Variants in CFAP299 observed in about 807,000 individuals in gnomAD.
CFAP299 encodes cilia and flagella associated protein 299.
CFAP299 carries 21 observed loss-of-function variants against 27.0 expected under a neutral mutation model. The ratio of observed to expected loss-of-function variants is 0.78; its 90% CI spans 0.55 to 1.12. CFAP299 has a LOEUF of 1.12. Ranked by LOEUF, CFAP299 falls within the 50% of genes most tolerant of loss-of-function variation. The probability of loss-of-function intolerance (pLI) is 0.00; values close to 1 mark genes in which losing one functional copy is unlikely to be tolerated. For missense variants in CFAP299, 310 were observed against 276.6 expected (o/e 1.12, Z -0.86); for synonymous variants, 104 against 98.1 (o/e 1.06, Z -0.36).
In CFAP299 at chr4:80,552,220, A is replaced by G. The variant is rs146407002; in HGVS notation, c.243-30873A>G. The stretch of plus-strand genomic sequence containing the variant: ...CTGGTGACATCTACTAATAGAGAAT[A>G]TTAATATATCACTGGTTTAAATGGG... On this transcript the variant is annotated intron_variant, in intron 2 of 5. Coordinates refer to ENST00000358105, the MANE Select transcript of CFAP299 (RefSeq NM_152770.3). Among the ~76,000 whole-genome samples, 775 of 152,326 alleles carry G rather than the reference A, an allele frequency of 5.1e-3. 5 individuals are homozygous for G. Among genetic ancestry groups the G allele is most frequent in the Middle Eastern group, 0.017 (5 of 294 alleles).
intron 2 of CFAP299, among the ~76,000 whole-genome samples, chr4:80,525,068 C>T (rs577193867): frequency 1.1e-4 from 16 of 152,278 alleles, no homozygotes; most frequent in African/African-American, 3.4e-4. Context: ...CCATACAGAT[C>T]TCTCCATAAG....
At chr4:80,736,787 A>G (rs1266481960) in intron 3 of CFAP299, among the ~76,000 whole-genome samples, 1 of 152,200 alleles carries the variant, frequency 6.6e-6, no homozygotes, top group East Asian at 1.9e-4. Context: ...TAGAAATACC[A>G]TTTGACCCAG....
At chr4:80,690,413 G>A (rs1267373489) in intron 3 of CFAP299, among the ~76,000 whole-genome samples, 1 of 151,976 alleles carries the variant, frequency 6.6e-6, no homozygotes, top group African/African-American at 2.4e-5. Context: ...TCAACTATAG[G>A]GAAACTGAAC....
intron 3 of CFAP299, among the ~76,000 whole-genome samples, chr4:80,646,572 G>A (rs988946990): frequency 6.6e-6 from 1 of 152,028 alleles, no homozygotes; most frequent in Non-Finnish European, 1.5e-5. Flanking sequence ...TAAAAGTTTA[G>A]AATAAAAGCT....
intron 1 of CFAP299, among the ~76,000 whole-genome samples, chr4:80,354,913 G>A (rs1051500689): frequency 1.3e-5 from 2 of 152,076 alleles, no homozygotes; most frequent in African/African-American, 4.8e-5. Context: ...TCTTTATCCA[G>A]TTGGTAATTA....
At chr4:80,892,204 C>T (rs552644271) in intron 4 of CFAP299, among the ~76,000 whole-genome samples, 17 of 152,136 alleles carry the variant, frequency 1.1e-4, no homozygotes, top group Non-Finnish European at 2.2e-4. Flanking sequence ...GACAAATCCC[C>T]ACACCTACAG....
intron 2 of CFAP299, among the ~76,000 whole-genome samples, chr4:80,455,886 C>T (rs139673854): frequency 1.2e-4 from 18 of 151,472 alleles, no homozygotes; most frequent in African/African-American, 4.4e-4. Context: ...GTGATCAAAA[C>T]ATACAAAAAA....
At chr4:80,799,875 A>G (rs1235038841) in intron 3 of CFAP299, among the ~76,000 whole-genome samples, 1 of 34,114 alleles carries the variant, frequency 2.9e-5, no homozygotes, top group Non-Finnish European at 4.6e-5. Flanking sequence ...TATATATATT[A>G]TATTATATAA....
chr4:80,760,231 A>G (rs1178905295), intron 3 of CFAP299, among the ~76,000 whole-genome samples: 1 of 152,188 alleles, frequency 6.6e-6, no homozygotes, highest in Non-Finnish European at 1.5e-5. Flanking sequence ...TACATTAGTG[A>G]TTATTTGTGT....
intron 3 of CFAP299, among the ~76,000 whole-genome samples, chr4:80,663,506 G>T (rs1740977033): frequency 6.6e-6 from 1 of 152,110 alleles, no homozygotes; most frequent in Admixed American, 6.6e-5. Context: ...TGGTATATAT[G>T]TGCCACATTT....
At chr4:80,430,253 G>A (rs1238481765) in intron 2 of CFAP299, among the ~76,000 whole-genome samples, 1 of 152,130 alleles carries the variant, frequency 6.6e-6, no homozygotes, top group Non-Finnish European at 1.5e-5. Flanking sequence ...TTTCATCACA[G>A]TGAGATTGAG....
In CFAP299 at chr4:80,567,170, T is replaced by C. The variant is rs1231235495; in HGVS notation, c.243-15923T>C. 2.6e-5 allele frequency among the ~76,000 whole-genome samples: 4 copies of C among 151,938 alleles called. No individual in the cohort carries two copies. In the East Asian group the frequency reaches 7.7e-4, roughly 29 times the overall value. ...TGTGCATGTTAACATTTCTTGACTTTCTTCTGTGTGCCTCTAACAATTGAA... is the reference window on the plus strand; with the variant it reads ...TGTGCATGTTAACATTTCTTGACTTCCTTCTGTGTGCCTCTAACAATTGAA... On this transcript the variant is annotated intron_variant, in intron 2 of 5. Coordinates refer to ENST00000358105, the MANE Select transcript of CFAP299 (RefSeq NM_152770.3).
chr4:80,608,197 C>G (rs1168102622), intron 3 of CFAP299: 2 of 552,264 alleles, frequency 3.6e-6, no homozygotes, highest in East Asian at 2.8e-5. Flanking sequence ...CAAGTGTTGT[C>G]GAGACTAAGT....
At chr4:80,478,171 G>A (rs899232200) in intron 2 of CFAP299, among the ~76,000 whole-genome samples, 1 of 152,042 alleles carries the variant, frequency 6.6e-6, no homozygotes, top group African/African-American at 2.4e-5. Flanking sequence ...GTCGTACCTG[G>A]TGTATTGTAT....
chr4:80,677,950 C>T (rs969687180), intron 3 of CFAP299, among the ~76,000 whole-genome samples: 2 of 152,050 alleles, frequency 1.3e-5, no homozygotes, highest in Non-Finnish European at 2.9e-5. Context: ...GAAAGCCAGT[C>T]TTCAGGGGAT....
Position 80,910,687 on chromosome 4 carries a change from A to G in CFAP299, c.477-34123A>G, listed in dbSNP as rs61031178. On this transcript the variant is annotated intron_variant, in intron 4 of 5. Coordinates refer to ENST00000358105, the MANE Select transcript of CFAP299 (RefSeq NM_152770.3). ...GGGGCTACCTGAGGGTAGAGGGTGG[A>G]AGCAGAAAAAAATGACTATTTAGTA... 7.8e-3 allele frequency among the ~76,000 whole-genome samples: 1,180 copies of G among 152,186 alleles called. 3 individuals carry two copies. Among genetic ancestry groups the G allele is most frequent in the Middle Eastern group, 0.014 (4 of 294 alleles).
At chr4:80,750,610 T>C (rs2110070544) in intron 3 of CFAP299, among the ~76,000 whole-genome samples, 1 of 152,318 alleles carries the variant, frequency 6.6e-6, no homozygotes, top group Non-Finnish European at 1.5e-5. Context: ...AAACCAATCA[T>C]TTTATTTACA....
intron 4 of CFAP299, among the ~76,000 whole-genome samples, chr4:80,943,019 T>TG (rs927422666): frequency 6.6e-6 from 1 of 152,274 alleles, no homozygotes; most frequent in African/African-American, 2.4e-5. Flanking sequence ...ATCACTCCAC[T>TG]GGGGGGCTGA....
At chr4:80,741,503 G>A (rs557400701) in intron 3 of CFAP299, among the ~76,000 whole-genome samples, 16 of 152,222 alleles carry the variant, frequency 1.1e-4, no homozygotes, top group South Asian at 4.2e-4. Flanking sequence ...CCTGGAATGG[G>A]GGCCTCATGA....
Sources: gnomAD v4.1 joint callset for allele counts (sites outside exome capture counted in the v4.1 genomes callset) on GRCh38, gnomAD v4.1.1 for gene constraint, MANE v1.5 for transcripts, NCBI Gene and HGNC (gene_info 2026-07-23, HGNC 2026-07-21) for gene names.